Variants in TTYH3 observed in about 807,000 individuals in gnomAD.
TTYH3 encodes tweety family member 3, also known as protein tweety homolog 3.
TTYH3 carries 23 observed loss-of-function variants against 68.2 expected under a neutral mutation model. That is an observed-to-expected ratio of 0.34 (90% CI 0.24 to 0.48). TTYH3 has a LOEUF of 0.48. Ranked by LOEUF, TTYH3 falls within the 20% of genes least tolerant of loss-of-function variation. TTYH3 has a pLI of 0.99. For synonymous variants in TTYH3, 360 were observed against 332.8 expected (o/e 1.08, Z -0.89); for missense variants, 768 against 727.7 (o/e 1.06, Z -0.64).
chr7:2,640,811 T>C (rs1167267478), intron 1 of TTYH3, among the ~76,000 whole-genome samples: 2 of 152,132 alleles, frequency 1.3e-5, no homozygotes, highest in Non-Finnish European at 2.9e-5. Flanking sequence ...TCCTAAGGCC[T>C]TGTGGCTCAC....
intron 1 of TTYH3, among the ~76,000 whole-genome samples, 171 bp from the exon 2 acceptor site, chr7:2,646,682 C>T (rs772635080): frequency 1.3e-5 from 2 of 152,220 alleles, no homozygotes; most frequent in African/African-American, 4.8e-5. Flanking sequence ...AGGTGCATCA[C>T]TGAGGTGGTG....
At chr7:2,658,222 A>T in intron 11 of TTYH3, 64 bp from the exon 12 acceptor site, 2 of 1,432,924 alleles carry the variant, frequency 1.4e-6, no homozygotes, top group South Asian at 2.8e-5. Flanking sequence ...ACTGACCCCC[A>T]TGGGTCTGTG....
In TTYH3 at chr7:2,647,688, C is replaced by T. The variant is rs200260322; in HGVS notation, c.626+50C>T. 1.1e-5 allele frequency: 16 copies of T among 1,520,282 alleles called. No individual in the cohort carries two copies. The East Asian group carries it at 4.0e-4, about 38-fold the overall frequency. The allele number at this position is 1,520,282 out of a possible 1,614,324, so 94.2% of individuals were successfully genotyped here. ...CCGCCCCACGTGGGAAAGCATCACC[C>T]TCCTTGGGCCAATTTTTGCTCTCAG... is the stretch of plus-strand genomic sequence containing the variant. On this transcript the variant is annotated intron_variant, in intron 4 of 13. Coordinates refer to ENST00000258796, the MANE Select transcript of TTYH3 (RefSeq NM_025250.3).
intron 2 of TTYH3, 27 bp from the exon 3 acceptor site, chr7:2,647,115 T>TG: frequency 1.3e-6 from 2 of 1,572,112 alleles, no homozygotes; most frequent in African/African-American, 2.7e-5. Flanking sequence ...TGGGCGGGGC[T>TG]ACATCTCACG....
At chr7:2,654,221 C>A (rs1257511012) in intron 9 of TTYH3, among the ~76,000 whole-genome samples, 1 of 152,126 alleles carries the variant, frequency 6.6e-6, no homozygotes, top group Non-Finnish European at 1.5e-5. Context: ...ATAGCAAGAC[C>A]CCATTCTACA....
At chr7:2,656,366 CTG>C in intron 10 of TTYH3, 30 bp from the exon 11 acceptor site, 2 of 1,597,586 alleles carry the variant, frequency 1.3e-6, no homozygotes, top group Non-Finnish European at 1.7e-6. Context: ...CTCCCTGTCT[CTG>C]GATCCTGCCA....
At chr7:2,639,468 A>G in intron 1 of TTYH3, among the ~76,000 whole-genome samples, 1 of 152,142 alleles carries the variant, frequency 6.6e-6, no homozygotes, top group East Asian at 1.9e-4. Context: ...ACAGCCTCCG[A>G]GCTCACGGGG....
chr7:2,643,148 A>G (rs757411971), intron 1 of TTYH3, among the ~76,000 whole-genome samples: 10 of 151,714 alleles, frequency 6.6e-5, no homozygotes, highest in South Asian at 2.1e-4. Flanking sequence ...GAGGTCAGGA[A>G]ATCGAGAGCA....
chr7:2,640,930 C>T (rs1785824571), intron 1 of TTYH3, among the ~76,000 whole-genome samples: 1 of 152,230 alleles, frequency 6.6e-6, no homozygotes, highest in South Asian at 2.1e-4. Context: ...CCGAGGTTCA[C>T]ACAGAGCAAA....
In TTYH3 at chr7:2,647,382, C is replaced by T. The variant is rs758000391; in HGVS notation, c.406-36C>T. The stretch of plus-strand genomic sequence containing the variant: ...GGCCCAGACTCTGGGGCGAGGCGGG[C>T]GCGCTCCCAGCCTCACGCCCGCGGG... On this transcript the variant is annotated intron_variant, in intron 3 of 13. Transcript: ENST00000258796. 18 of 1,462,482 alleles carry T rather than the reference C, an allele frequency of 1.2e-5. No individual in the cohort carries two copies. In the African/African-American group the frequency reaches 2.0e-4, roughly 16 times the overall value. The allele number at this position is 1,462,482 out of a possible 1,614,324, so 90.6% of individuals were successfully genotyped here.
intron 9 of TTYH3, among the ~76,000 whole-genome samples, chr7:2,654,929 G>A (rs947616475): frequency 2.6e-5 from 4 of 151,644 alleles, no homozygotes; most frequent in Non-Finnish European, 5.9e-5. Context: ...CGCCTGCAGC[G>A]CACCCAGCTC....
intron 1 of TTYH3, among the ~76,000 whole-genome samples, chr7:2,643,201 A>G (rs1310933116): frequency 6.9e-6 from 1 of 144,226 alleles, no homozygotes; most frequent in Non-Finnish European, 1.5e-5. Context: ...TAAAAATACA[A>G]AAAATTAGCC....
chr7:2,632,320 G>T (rs1335213196), intron 1 of TTYH3, 42 bp downstream of exon 1: 8 of 1,515,120 alleles, frequency 5.3e-6, no homozygotes, highest in Non-Finnish European at 7.1e-6. Context: ...GGGACCCCAG[G>T]TCACGGCCCC....
rs117208435 is a variant in TTYH3, at chr7:2,645,143, A to G, written c.124-1710A>G. On this transcript the variant is annotated intron_variant, in intron 1 of 13. Transcript: ENST00000258796. The surrounding 1 kb of genome is among the most constrained non-coding windows in gnomAD (Gnocchi z 4.8). ...ACACCCCCCAGGGCACCCCCAAGTT[A>G]GCCTCTAGGTGGTCCCTGGCCCCAT... Among the ~76,000 whole-genome samples the G allele has an allele frequency of 2.7e-3, 410 of 152,202 alleles. 16 individuals carry two copies. In the East Asian group the frequency reaches 0.074, roughly 28 times the overall value.
chr7:2,648,937 G>GC (rs1380178067), intron 5 of TTYH3, among the ~76,000 whole-genome samples: 1 of 151,632 alleles, frequency 6.6e-6, no homozygotes, highest in African/African-American at 2.4e-5. Flanking sequence ...AGTGGGGTGT[G>GC]GGGCCCGCAG....
At chr7:2,653,916 C>G (rs1041631792) in intron 9 of TTYH3, among the ~76,000 whole-genome samples, 1 of 151,978 alleles carries the variant, frequency 6.6e-6, no homozygotes, top group Non-Finnish European at 1.5e-5. Flanking sequence ...TTGATAAAAC[C>G]CAAATCTCTT....
intron 5 of TTYH3, 115 bp from the exon 6 acceptor site, chr7:2,649,452 C>T (rs1215005589): frequency 2.9e-6 from 3 of 1,023,174 alleles, no homozygotes; most frequent in African/African-American, 1.6e-5. Context: ...AGCCCCAGCC[C>T]ATGTGTGGGC....
intron 13 of TTYH3, among the ~76,000 whole-genome samples, chr7:2,660,833 G>A (rs937624034): frequency 1.3e-5 from 2 of 152,158 alleles, no homozygotes; most frequent in Non-Finnish European, 2.9e-5. Flanking sequence ...CCCCTGACAC[G>A]TGCCAGGCCT....
rs114076836 is a variant in TTYH3 at position 2,639,975 on chromosome 7, C to A, written c.124-6878C>A. Among the ~76,000 whole-genome samples the A allele has an allele frequency of 4.8e-3, 704 of 146,130 alleles. 8 individuals carry two copies. Among genetic ancestry groups the A allele is most frequent in the African/African-American group, 0.017 (671 of 39,130 alleles). ...TCCCAATGCCTCGGGCAGCCATCAT[C>A]CTCAGCTGTGGTCACGCTGCCTGGC... On this transcript the variant is annotated intron_variant, in intron 1 of 13. Transcript: ENST00000258796.
Sources: gnomAD v4.1 joint callset for allele counts (sites outside exome capture counted in the v4.1 genomes callset) on GRCh38, gnomAD v4.1.1 for gene constraint, Gnocchi (gnomAD v3.1) non-coding constraint, MANE v1.5 for transcripts, NCBI Gene and HGNC (gene_info 2026-07-23, HGNC 2026-07-21) for gene names.